Variants in TTN observed in about 807,000 individuals in gnomAD.
TTN encodes the protein connectin.
A neutral mutation model predicts 3,223.0 loss-of-function variants in TTN; 1,525 were observed. The observed-to-expected ratio is 0.47, with a 90% CI of 0.45 to 0.49. TTN has a LOEUF of 0.49. TTN is among the 20% of genes least tolerant of loss of function. The pLI is 0.00. For synonymous variants in TTN, 14,094 were observed against 15,161.0 expected (o/e 0.93, Z 5.17); for missense variants, 40,786 against 43,424.0 (o/e 0.94, Z 5.40).
chr2:178,639,699 C>A lies in TTN; in HGVS notation c.40876G>T (p.Glu13626Ter). The A allele has an allele frequency of 6.2e-7, 1 of 1,611,374 alleles. No homozygotes were observed. Among genetic ancestry groups the A allele is most frequent in the Admixed American group, 1.7e-5 (1 of 59,832 alleles). The change falls in exon 223 of 363, where the codon GAA becomes TAA. Residue 13626 changes from glutamate (E) to a stop codon, truncating the protein, a stop_gained and splice_region_variant. Transcript: ENST00000589042. LOFTEE classifies it high-confidence loss of function. ...AAAAAGAAAGCTACAGGATAAATAC[C>A]TGCTTTCTTTCCAACCACTGGCACT... ...VTVPVVGKKA[E>*]AKAPKEEAAK...
Position 178,739,256 on chromosome 2 carries a change from A to G in TTN, c.13977T>C (p.Tyr4659=), listed in dbSNP as rs1197328423. 1 of 1,607,976 alleles carries G rather than the reference A, an allele frequency of 6.2e-7. No homozygotes were observed. The highest frequency in any genetic ancestry group is 8.5e-7 in the Non-Finnish European group (1 of 1,175,632). Residue 4659 remains tyrosine, a synonymous_variant, in exon 48 of 363, where the codon TAT becomes TAC. Coordinates refer to ENST00000589042, the MANE Select transcript of TTN (RefSeq NM_001267550.2). The stretch of plus-strand genomic sequence containing the variant: ...TATTTACTTTGTCGATGACTAGCGT[A>G]TATGTATTTTGATCTTGTAAACACT... ...KFKCLQDQNT[Y]TLVIDKVNTE...
rs12621078 is a variant in TTN at position 178,558,372 on chromosome 2, A to G, written c.87087T>C (p.Leu29029=). 36,985 of 1,613,474 alleles carry G rather than the reference A, an allele frequency of 0.023. 520 individuals are homozygous for G. The highest frequency in any genetic ancestry group is 0.062 in the East Asian group (2,756 of 44,754). Residue 29029 remains leucine (L), a synonymous_variant, in exon 327 of 363, where the codon CTT becomes CTC. Transcript: ENST00000589042. ...NQAGLSDPRE[L]LLPVLIKEQL... is the part of the protein sequence containing the mutation. The stretch of plus-strand genomic sequence containing the variant: ...GCTCCTTAATAAGAACAGGAAGCAG[A>G]AGCTCTCTCGGGTCACTCAGGCCAG...
At position 178,720,453 on chromosome 2, in the gene TTN, C is replaced by T. The variant is rs748511026; in HGVS notation, c.23309G>A (p.Gly7770Glu). Reference sequence around the variant, plus strand: ...ATTAGTAGCTTTGCAGTGATATTCCCCGACATCGGAGGCTTCAAGATTAAG... The same window carrying T: ...ATTAGTAGCTTTGCAGTGATATTCCTCGACATCGGAGGCTTCAAGATTAAG... ...HILNLEASDV[G>E]EYHCKATNEV... The change falls in exon 80 of 363, where the codon GGG (glycine) becomes GAG (glutamate). Residue 7770 changes from glycine to glutamate, a missense_variant. Coordinates refer to ENST00000589042, the MANE Select transcript of TTN (RefSeq NM_001267550.2). 1.4e-5 allele frequency: 23 copies of T among 1,613,536 alleles called. No individual in the cohort carries two copies. The highest frequency in any genetic ancestry group is 1.9e-5 in the Non-Finnish European group (23 of 1,179,672).
chr2:178,681,828 C>A (rs1366527486), intron 135 of TTN, 90 bp from the exon 136 acceptor site: 10 of 1,155,402 alleles, frequency 8.7e-6, no homozygotes, highest in Non-Finnish European at 1.2e-5. Context: ...GAAATAATAT[C>A]TTTTATCTAC....
chr2:178,667,256 G>A lies in TTN; in HGVS notation c.35777C>T (p.Pro11926Leu), dbSNP rs1351962560. ...TATACCTTCAGTTGGAGGATGTTCT[G>A]GAATTTCAGGAATAGCCTCAGGTGG... ...VEPPEAIPEI[P>L]EHPPTEEFEV... The change falls in exon 162 of 363, where the codon CCA becomes CTA. Residue 11926 changes from proline (P) to leucine (L), a missense_variant. By Grantham distance (98) the Pro-to-Leu change is moderately conservative. Coordinates refer to ENST00000589042, the MANE Select transcript of TTN (RefSeq NM_001267550.2). The A allele has an allele frequency of 3.7e-6, 6 of 1,603,176 alleles. No homozygotes were observed. The highest frequency in any genetic ancestry group is 5.1e-6 in the Non-Finnish European group (6 of 1,174,824).
chr2:178,554,304 T>A (rs1181819833), intron 332 of TTN, 88 bp from the exon 333 acceptor site: 6 of 1,448,598 alleles, frequency 4.1e-6, no homozygotes, highest in Non-Finnish European at 4.7e-6. Flanking sequence ...TCCAAGAACA[T>A]TGGTTTTATT....
Position 178,714,593 on chromosome 2 carries a change from GC to G in TTN, c.26201-21del, listed in dbSNP as rs2077179410. ...GTGGTGCTGATGAAAAAGGAGGAAA[GC>G]CTGGGTTTTAAAATTTGTGAGACTG... On this transcript the variant is annotated intron_variant, in intron 90 of 362. Transcript: ENST00000589042. 2 of 1,562,830 alleles carry G rather than the reference GC, an allele frequency of 1.3e-6. No individual in the cohort carries two copies. The highest frequency in any genetic ancestry group is 1.2e-5 in the South Asian group (1 of 82,688).
chr2:178,593,813 T>A lies in TTN; in HGVS notation c.58487A>T (p.Tyr19496Phe). The A allele has an allele frequency of 6.2e-7, 1 of 1,613,042 alleles. No homozygotes were observed. The highest frequency in any genetic ancestry group is 8.5e-7 in the Non-Finnish European group (1 of 1,179,574). Residue 19496 changes from tyrosine to phenylalanine, a missense_variant, in exon 298 of 363, where the codon TAC (tyrosine) becomes TTC (phenylalanine). Tyr to Phe is a conservative substitution (Grantham distance 22). Transcript: ENST00000589042. ...PVSFDEVTKD[Y>F]MVISWKPPLD... ...AGGAGGCTTCCAAGAGATAACCATG[T>A]AATCTTTGGTCACCTCATCAAAACT...
chr2:178,580,825 C>A, intron 316 of TTN: 1 of 541,512 alleles, frequency 1.8e-6, no homozygotes. Context: ...CCAGGTTTTC[C>A]CCCCGGAGGA....
chr2:178,630,403 T>G (rs541526706), intron 238 of TTN, 36 bp from the exon 239 acceptor site: 1 of 1,559,034 alleles, frequency 6.4e-7, no homozygotes, highest in African/African-American at 1.4e-5. Context: ...TCATAGAAAA[T>G]AATTTTCTTT....
chr2:178,758,215 T>C lies in TTN; in HGVS notation c.10304-299A>G, dbSNP rs555891992. Among the ~76,000 whole-genome samples the C allele has an allele frequency of 1.4e-3, 207 of 152,294 alleles. No individual in the cohort carries two copies. The highest frequency in any genetic ancestry group is 4.7e-4 in the Non-Finnish European group (32 of 68,010). On this transcript the variant is annotated intron_variant, in intron 44 of 362. Coordinates refer to ENST00000589042, the MANE Select transcript of TTN (RefSeq NM_001267550.2). The stretch of plus-strand genomic sequence containing the variant: ...TTTCTTTCTTCCTCTTGTTGTAAAG[T>C]CAACTTTTTAATTTTAAACCACTTT...
rs889524370 is a variant in TTN, at chr2:178,633,400, T to G, written c.42946+13A>C. 2.5e-6 allele frequency: 4 copies of G among 1,613,200 alleles called. No homozygotes were observed. The Admixed American group carries it at 6.7e-5, about 27-fold the overall frequency. ...TTCAGATAGGGTAAATTTTACATTG[T>G]TGAGCAACTCACCCTCAACAGTAAC... On this transcript the variant is annotated intron_variant, in intron 232 of 362. Transcript: ENST00000589042.
rs774950387 is a variant in TTN, at chr2:178,723,100, C to T, written c.21907G>A (p.Glu7303Lys). 1.5e-5 allele frequency: 25 copies of T among 1,613,478 alleles called. No homozygotes were observed. Among genetic ancestry groups the T allele is most frequent in the African/African-American group, 2.7e-5 (2 of 74,884 alleles). Residue 7303 changes from glutamate to lysine, a missense_variant, in exon 75 of 363, where the codon GAG becomes AAG. By Grantham distance (56) the Glu-to-Lys change is moderately conservative. Coordinates refer to ENST00000589042, the MANE Select transcript of TTN (RefSeq NM_001267550.2). Reference sequence around the variant, plus strand: ...TCCCTTCCTGCCTCATTTTCAATCTCGCAGGAATACTGCCCTGCATCTCTT... The same window carrying T: ...TCCCTTCCTGCCTCATTTTCAATCTTGCAGGAATACTGCCCTGCATCTCTT... ...TKRDAGQYSC[E>K]IENEAGRDVC...
chr2:178,652,121 G>A lies in TTN; in HGVS notation c.39270C>T (p.Pro13090=). 6.2e-7 allele frequency: 1 copy of A among 1,612,638 alleles called. No homozygotes were observed. Among genetic ancestry groups the A allele is most frequent in the Non-Finnish European group, 8.5e-7 (1 of 1,179,642 alleles). ...PEKKVPEAIP[P]KPESPPPEVF... is the part of the protein sequence containing the mutation. ...CTTCAGGGGGAGGACTTTCCGGTTT[G>A]GGAGGAATAGCTTCAGGCACCTTCT... The change falls in exon 204 of 363, where the codon CCC becomes CCT. Residue 13090 remains proline, a synonymous_variant. Transcript: ENST00000589042.
Position 178,779,214 on chromosome 2 carries a change from A to G in TTN, c.3963+15T>C, listed in dbSNP as rs2092545801. ...TTACTGTGGCAAGGAGCTATGATAAATGTTTATATTTTACCTTTGGTAATG... is the reference window on the plus strand; with the variant it reads ...TTACTGTGGCAAGGAGCTATGATAAGTGTTTATATTTTACCTTTGGTAATG... On this transcript the variant is annotated intron_variant, in intron 23 of 362. Coordinates refer to ENST00000589042, the MANE Select transcript of TTN (RefSeq NM_001267550.2). 1.2e-6 allele frequency: 2 copies of G among 1,613,194 alleles called. No homozygotes were observed. Among genetic ancestry groups the G allele is most frequent in the East Asian group, 4.5e-5 (2 of 44,838 alleles).
rs868211733 is a variant in TTN, at chr2:178,548,021, G to A, written c.93605C>T (p.Ser31202Phe). ...TTGAGGCTCCTTAATGATGACAGAAGAGAAGGCTTCTCTGGGTTCACTATA... is the reference window on the plus strand; with the variant it reads ...TTGAGGCTCCTTAATGATGACAGAAAAGAAGGCTTCTCTGGGTTCACTATA... ...AGYSEPREAF[S>F]SVIIKEPQIE... is the part of the protein sequence containing the mutation. The change falls in exon 339 of 363, where the codon TCT becomes TTT. Residue 31202 changes from serine to phenylalanine, a missense_variant. Coordinates refer to ENST00000589042, the MANE Select transcript of TTN (RefSeq NM_001267550.2). This position sits in a 1 kb window ranked among gnomAD's most constrained non-coding sequence, Gnocchi z 4.3. 3 of 1,613,698 alleles carry A rather than the reference G, an allele frequency of 1.9e-6. No individual in the cohort carries two copies. In the African/African-American group the frequency reaches 4.0e-5, roughly 22 times the overall value.
chr2:178,789,639 T>C (rs1383151942), intron 12 of TTN, 142 bp from the exon 13 acceptor site: 3 of 1,172,270 alleles, frequency 2.6e-6, no homozygotes, highest in East Asian at 5.1e-5. Context: ...ACCGGCAATG[T>C]CTACATATAC....
Position 178,636,003 on chromosome 2 carries a change from G to A in TTN, c.41568C>T (p.Asn13856=), listed in dbSNP as rs559906667. 32 of 1,610,412 alleles carry A rather than the reference G, an allele frequency of 2.0e-5. No individual in the cohort carries two copies. Among genetic ancestry groups the A allele is most frequent in the South Asian group, 1.5e-4 (14 of 90,782 alleles). The stretch of plus-strand genomic sequence containing the variant: ...AAGATGAACACTCCAGGTTGTTGGC[G>A]TTTTCCACAGTAACTGTGTATGTTC... ...DAGTYTVTVE[N]ANNLECSSCV... is the part of the protein sequence containing the mutation. Residue 13856 remains asparagine, a synonymous_variant, in exon 226 of 363, where the codon AAC becomes AAT. Transcript: ENST00000589042. This position sits in a 1 kb window ranked among gnomAD's most constrained non-coding sequence, Gnocchi z 4.3.
rs187460377 is a variant in TTN, at chr2:178,554,127, C to T, written c.88984G>A (p.Gly29662Ser). 7.2e-5 allele frequency: 116 copies of T among 1,613,824 alleles called. No homozygotes were observed. The highest frequency in any genetic ancestry group is 5.6e-4 in the African/African-American group (42 of 75,026). ...AGGAAATAGCCACTTATATCACTAC[C>T]GCCATCTGCAATTGGCCTGCTCCAT... ...VVWSRPIADGGSDISGYFLEK... is the reference protein window; with the variant it reads ...VVWSRPIADGSSDISGYFLEK... The change falls in exon 333 of 363, where the codon GGT becomes AGT. Residue 29662 changes from glycine (G) to serine (S), a missense_variant. By Grantham distance (56) the Gly-to-Ser change is moderately conservative. Transcript: ENST00000589042.
Sources: gnomAD v4.1 joint callset for allele counts (sites outside exome capture counted in the v4.1 genomes callset) on GRCh38, gnomAD v4.1.1 for gene constraint, Gnocchi (gnomAD v3.1) non-coding constraint, MANE v1.5 for transcripts, NCBI Gene and HGNC (gene_info 2026-07-23, HGNC 2026-07-21) for gene names.